ASIC2: variants seen among roughly 807,000 people sequenced by gnomAD.
The protein encoded by ASIC2 is acid-sensing ion channel 2.
A neutral mutation model predicts 57.3 loss-of-function variants in ASIC2; 25 were observed. The observed-to-expected ratio is 0.44, with a 90% CI of 0.32 to 0.61. The LOEUF (loss-of-function observed/expected upper bound fraction) is 0.61. Ranked by LOEUF, ASIC2 falls within the 20% of genes least tolerant of loss-of-function variation. The probability of loss-of-function intolerance (pLI) is 0.06; values close to 1 mark genes in which losing one functional copy is unlikely to be tolerated. For missense variants in ASIC2, 641 were observed against 738.1 expected (o/e 0.87, Z 1.52); for synonymous variants, 319 against 307.5 (o/e 1.04, Z -0.39).
chr17:33,829,842 C>A (rs1333738303), intron 1 of ASIC2, among the ~76,000 whole-genome samples: 1 of 152,064 alleles, frequency 6.6e-6, no homozygotes, highest in African/African-American at 2.4e-5. Context: ...GGATTACAGG[C>A]GTGAGCCACC....
At chr17:33,822,605 G>C (rs1912780386) in intron 1 of ASIC2, among the ~76,000 whole-genome samples, 1 of 152,208 alleles carries the variant, frequency 6.6e-6, no homozygotes, top group South Asian at 2.1e-4. Flanking sequence ...GAGGAGATGA[G>C]ATAAACTTCA....
chr17:34,037,569 G>C (rs1037526120), intron 1 of ASIC2: 17 of 1,420,388 alleles, frequency 1.2e-5, no homozygotes, highest in Non-Finnish European at 1.6e-5. Flanking sequence ...GCTGCTGAAC[G>C]CCATTTGTCC....
intron 1 of ASIC2, among the ~76,000 whole-genome samples, chr17:33,937,431 T>C (rs1271531195): frequency 6.6e-6 from 1 of 151,952 alleles, no homozygotes; most frequent in African/African-American, 2.4e-5. Context: ...AGCTCTTTTT[T>C]TTTTTTCCCC....
chr17:33,873,706 A>G (rs1423470522), intron 1 of ASIC2, among the ~76,000 whole-genome samples: 1 of 152,246 alleles, frequency 6.6e-6, no homozygotes, highest in Non-Finnish European at 1.5e-5. Flanking sequence ...AAACTCAGGC[A>G]GAAGTAGGAT....
chr17:33,711,427 C>T (rs1290933694), intron 1 of ASIC2, among the ~76,000 whole-genome samples: 3 of 152,196 alleles, frequency 2.0e-5, no homozygotes, highest in African/African-American at 4.8e-5. Flanking sequence ...CATCCTCCTC[C>T]ATATGCGGTC....
intron 1 of ASIC2, among the ~76,000 whole-genome samples, chr17:33,162,854 G>A (rs1473989264): frequency 6.6e-5 from 10 of 152,222 alleles, no homozygotes; most frequent in Admixed American, 5.9e-4. Context: ...AGGTCACTCT[G>A]TGGTTCATCT....
chr17:33,057,950 G>A (rs977089113), intron 3 of ASIC2, among the ~76,000 whole-genome samples: 3 of 152,148 alleles, frequency 2.0e-5, no homozygotes, highest in African/African-American at 7.2e-5. Context: ...GAAGTTGGGT[G>A]TGCCTCCCTT....
chr17:33,869,965 C>T (rs1914349160), intron 1 of ASIC2, among the ~76,000 whole-genome samples: 1 of 152,118 alleles, frequency 6.6e-6, no homozygotes, highest in Non-Finnish European at 1.5e-5. Context: ...TGTATTTGGC[C>T]CAATGGCTGT....
chr17:33,069,901 T>G (rs971677828), intron 3 of ASIC2, among the ~76,000 whole-genome samples: 8 of 152,198 alleles, frequency 5.3e-5, no homozygotes, highest in Non-Finnish European at 1.2e-4. Context: ...CTAGTCCCAT[T>G]TTTTTCTCTT....
chr17:33,016,923 A>G (rs1046945268), intron 8 of ASIC2, among the ~76,000 whole-genome samples: 1 of 152,008 alleles, frequency 6.6e-6, no homozygotes, highest in South Asian at 2.1e-4. Context: ...AGAGCCTGGG[A>G]TAGTGGCATC....
At chr17:33,537,817 G>T (rs1915281715) in intron 1 of ASIC2, among the ~76,000 whole-genome samples, 1 of 152,188 alleles carries the variant, frequency 6.6e-6, no homozygotes, top group African/African-American at 2.4e-5. Context: ...TGTACGCCGA[G>T]CCTCAGGTCA....
chr17:33,511,712 C>T (rs1020126231), intron 1 of ASIC2, among the ~76,000 whole-genome samples: 10 of 152,202 alleles, frequency 6.6e-5, no homozygotes, highest in African/African-American at 1.9e-4. Flanking sequence ...ACCCTCCAAT[C>T]CCATTGCACA....
intron 1 of ASIC2, among the ~76,000 whole-genome samples, chr17:33,735,354 G>C (rs1909878697): frequency 6.6e-6 from 1 of 152,118 alleles, no homozygotes. Flanking sequence ...CAGTGTGAAG[G>C]GCTCCGTGCT....
intron 1 of ASIC2, among the ~76,000 whole-genome samples, chr17:34,094,170 C>G (rs1910433989): frequency 6.6e-6 from 1 of 152,124 alleles, no homozygotes; most frequent in South Asian, 2.1e-4. Context: ...CAGGGTCACT[C>G]TGGGCAAATA....
intron 1 of ASIC2, among the ~76,000 whole-genome samples, chr17:33,396,584 C>T (rs947191341): frequency 1.3e-5 from 2 of 152,164 alleles, no homozygotes; most frequent in Non-Finnish European, 2.9e-5. Flanking sequence ...CTCATACTCT[C>T]TGGGCTTTAC....
intron 1 of ASIC2, among the ~76,000 whole-genome samples, chr17:33,515,194 T>A (rs1914530126): frequency 1.3e-5 from 2 of 152,196 alleles, no homozygotes; most frequent in South Asian, 4.1e-4. Context: ...TTCCTGAAGC[T>A]CTGGGGTTGG....
intron 1 of ASIC2, among the ~76,000 whole-genome samples, chr17:33,645,830 A>T (rs1024088151): frequency 9.9e-5 from 15 of 152,144 alleles, no homozygotes; most frequent in Non-Finnish European, 2.1e-4. Flanking sequence ...TTGCAGGGAT[A>T]GTGGAAATGC....
chr17:33,591,411 A>G (rs527551422), intron 1 of ASIC2, among the ~76,000 whole-genome samples: 19 of 152,122 alleles, frequency 1.2e-4, no homozygotes, highest in African/African-American at 4.6e-4. Flanking sequence ...GACATGGTTA[A>G]TCCATCTTGG....
chr17:33,177,141 T>C (rs1314431477), intron 1 of ASIC2, among the ~76,000 whole-genome samples: 2 of 152,254 alleles, frequency 1.3e-5, no homozygotes, highest in East Asian at 3.9e-4. Context: ...AGCTCTTCAA[T>C]GGCTGCCCAA....
Sources: allele counts gnomAD v4.1 joint callset (sites outside exome capture counted in the v4.1 genomes callset), GRCh38; gene constraint gnomAD v4.1.1; transcripts MANE v1.5; gene names NCBI Gene and HGNC (gene_info 2026-07-23, HGNC 2026-07-21).